The following BHMT variants were observed in gnomAD, a reference collection of about 807,000 sequenced individuals.
BHMT encodes betaine--homocysteine S-methyltransferase 1.
Under a neutral mutation model 49.5 loss-of-function variants are expected in BHMT, and 38 were observed. The ratio of observed to expected loss-of-function variants is 0.77; its 90% CI spans 0.59 to 1.01. The LOEUF is 1.01. BHMT is among the 50% of genes least tolerant of loss of function. The probability of loss-of-function intolerance (pLI) is 0.00; values close to 1 mark genes in which losing one functional copy is unlikely to be tolerated. For missense variants in BHMT, 426 were observed against 495.7 expected (o/e 0.86, Z 1.34); for synonymous variants, 166 against 176.3 (o/e 0.94, Z 0.46).
chr5:79,132,030 A>G lies in BHMT; in HGVS notation c.*914A>G, dbSNP rs1334589901. ...TATTAGTTGGTAGCTTTTAAAAAATATAATAAGAAAAAAGTAGAGATTCTC... is the reference window on the plus strand; with the variant it reads ...TATTAGTTGGTAGCTTTTAAAAAATGTAATAAGAAAAAAGTAGAGATTCTC... On this transcript the variant is annotated 3_prime_UTR_variant, in exon 8 of 8. Transcript: ENST00000274353. 1 of 152,206 alleles carries G rather than the reference A, an allele frequency of 6.6e-6. No homozygotes were observed. The highest frequency in any genetic ancestry group is 1.5e-5 in the Non-Finnish European group (1 of 68,040). 9.4% of individuals were successfully genotyped at this position (152,206 alleles called of 1,614,324 possible). A position where few individuals can be genotyped will look rare whatever the true frequency, so the allele number is the denominator to read the frequency against.
At chr5:79,128,210 A>G in intron 7 of BHMT, 1 of 633,698 alleles carries the variant, frequency 1.6e-6, no homozygotes, top group Non-Finnish European at 2.5e-6. Context: ...GAAAAAGAAA[A>G]ATTTTTTTAA....
chr5:79,128,947 A>G (rs2112733301), intron 7 of BHMT, among the ~76,000 whole-genome samples: 1 of 152,354 alleles, frequency 6.6e-6, no homozygotes, highest in East Asian at 1.9e-4. Context: ...AGATGTATGG[A>G]TAGAAAAGTA....
intron 3 of BHMT, chr5:79,119,646 G>A: frequency 6.8e-6 from 2 of 292,846 alleles, no homozygotes; most frequent in South Asian, 6.3e-5. Context: ...AGTAAATTGG[G>A]CAACCTTACA....
chr5:79,124,462 CA>C (rs56304507), intron 5 of BHMT, among the ~76,000 whole-genome samples: 88,167 of 139,608 alleles, frequency 0.63, 27,152 homozygotes, highest in East Asian at 0.75. Flanking sequence ...TTTTAAAATG[CA>C]AAAAAAAAAA....
rs1756653073 is a variant in BHMT at position 79,132,184 on chromosome 5, G to A, written c.*1068G>A. 1 of 152,202 alleles carries A rather than the reference G, an allele frequency of 6.6e-6. No homozygotes were observed. Among genetic ancestry groups the A allele is most frequent in the South Asian group, 2.1e-4 (1 of 4,826 alleles). The allele number at this position is 152,202 out of a possible 1,614,324, so 9.4% of individuals were successfully genotyped here. On this transcript the variant is annotated 3_prime_UTR_variant, in exon 8 of 8. Coordinates refer to ENST00000274353, the MANE Select transcript of BHMT (RefSeq NM_001713.3). ...TAGAAGAAACATGACTACCCTCAGT[G>A]TATTAGAAAAGAGGTCATGCAGCTT...
chr5:79,123,398 A>C (rs1397148771), intron 5 of BHMT, among the ~76,000 whole-genome samples: 1 of 152,168 alleles, frequency 6.6e-6, no homozygotes, highest in East Asian at 1.9e-4. Flanking sequence ...GGAGCTGAAC[A>C]CTGGGGTCAC....
At chr5:79,125,803 C>T (rs192178437) in intron 5 of BHMT, among the ~76,000 whole-genome samples, 32 of 152,118 alleles carry the variant, frequency 2.1e-4, no homozygotes, top group Admixed American at 6.5e-4. Flanking sequence ...ATTAGCCAGA[C>T]GTGGTGGCAC....
chr5:79,113,968 G>A (rs866818346), intron 1 of BHMT, among the ~76,000 whole-genome samples: 36 of 152,022 alleles, frequency 2.4e-4, no homozygotes, highest in African/African-American at 8.4e-4. Flanking sequence ...CACGTTCAAT[G>A]GGAGCTGCTA....
chr5:79,113,147 CA>C (rs1398394972), intron 1 of BHMT, among the ~76,000 whole-genome samples: 1 of 152,198 alleles, frequency 6.6e-6, no homozygotes, highest in African/African-American at 2.4e-5. Flanking sequence ...ATTCTAAATG[CA>C]GCATCGTGGA....
At chr5:79,122,603 A>G (rs1756488934) in intron 5 of BHMT, among the ~76,000 whole-genome samples, 1 of 152,040 alleles carries the variant, frequency 6.6e-6, no homozygotes, top group African/African-American at 2.4e-5. Flanking sequence ...AATCTTCAAC[A>G]GCTTATAGCT....
rs1334669212 is a variant in BHMT at position 79,119,292 on chromosome 5, G to A, written c.200G>A (p.Gly67Asp). ...CTTCATCGAGAGTTCCTCAGAGCTG[G>A]CTCAAACGTCATGCAGACCTTCACC... ...RQLHREFLRA[G>D]SNVMQTFTFY... is the part of the protein sequence containing the mutation. The change falls in exon 3 of 8, where the codon GGC (glycine) becomes GAC (aspartate). Residue 67 changes from glycine to aspartate, a missense_variant. Transcript: ENST00000274353. The A allele has an allele frequency of 1.9e-6, 3 of 1,613,728 alleles. No homozygotes were observed. Among genetic ancestry groups the A allele is most frequent in the Admixed American group, 3.3e-5 (2 of 59,890 alleles).
chr5:79,115,360 C>T (rs570326039), intron 1 of BHMT, among the ~76,000 whole-genome samples: 2 of 143,490 alleles, frequency 1.4e-5, no homozygotes, highest in African/African-American at 4.9e-5. Flanking sequence ...AATTTTTTAA[C>T]CCTCTCTTTA....
At chr5:79,114,658 C>A (rs1451710938) in intron 1 of BHMT, among the ~76,000 whole-genome samples, 1 of 152,050 alleles carries the variant, frequency 6.6e-6, no homozygotes, top group Non-Finnish European at 1.5e-5. Flanking sequence ...GTCCCACCAC[C>A]CCCAATCCCA....
rs1276726551 is a variant in BHMT at position 79,125,458 on chromosome 5, A to AG, written c.626-587dup. Among the ~76,000 whole-genome samples, 4 of 85,044 alleles carry AG rather than the reference A, an allele frequency of 4.7e-5. No individual in the cohort carries two copies. In the East Asian group the frequency reaches 1.4e-3, roughly 29 times the overall value. 55.8% of individuals were successfully genotyped at this position (85,044 alleles called of 152,430 possible). ...GCAACAGAGCAAGAGTCTGTGTCTC[A>AG]GAAAAAAAAAAAAAAAAAAAGAGAT... On this transcript the variant is annotated intron_variant, in intron 5 of 7. Coordinates refer to ENST00000274353, the MANE Select transcript of BHMT (RefSeq NM_001713.3).
intron 5 of BHMT, among the ~76,000 whole-genome samples, chr5:79,124,806 A>T (rs73769973): frequency 1.0e-3 from 156 of 152,362 alleles, no homozygotes; most frequent in African/African-American, 3.6e-3. Flanking sequence ...AAGCTTGTCA[A>T]AATGATTGAT....
chr5:79,126,409 G>T, intron 6 of BHMT, 181 bp downstream of exon 6: 1 of 614,896 alleles, frequency 1.6e-6, no homozygotes, highest in Non-Finnish European at 2.7e-6. Flanking sequence ...AAGAGCAGAA[G>T]GAAAGGATGG....
At chr5:79,122,031 T>G (rs962175326) in intron 5 of BHMT, among the ~76,000 whole-genome samples, 3 of 151,490 alleles carry the variant, frequency 2.0e-5, no homozygotes, top group Non-Finnish European at 4.4e-5. Context: ...AATCTCCGCC[T>G]CCCAGGTTCA....
chr5:79,113,021 C>G (rs1020258812), intron 1 of BHMT, among the ~76,000 whole-genome samples: 2 of 152,194 alleles, frequency 1.3e-5, no homozygotes, highest in Admixed American at 1.3e-4. Context: ...AGGTCCAGCT[C>G]TCATCCCAGT....
intron 2 of BHMT, among the ~76,000 whole-genome samples, chr5:79,117,838 A>G (rs997771495): frequency 3.3e-5 from 5 of 152,220 alleles, no homozygotes; most frequent in African/African-American, 1.2e-4. Flanking sequence ...TGCCCAGTTA[A>G]TTCTCCTAAC....
Sources: allele counts gnomAD v4.1 joint callset (sites outside exome capture counted in the v4.1 genomes callset), GRCh38; gene constraint gnomAD v4.1.1; transcripts MANE v1.5; gene names NCBI Gene and HGNC (gene_info 2026-07-23, HGNC 2026-07-21).